SEMA3D: variants seen among roughly 807,000 people sequenced by gnomAD.
The protein encoded by SEMA3D is semaphorin-3D.
In SEMA3D, 84 loss-of-function variants were observed where a neutral mutation model predicts 100.1. The ratio of observed to expected loss-of-function variants is 0.84; its 90% CI spans 0.70 to 1.01. SEMA3D has a LOEUF of 1.01. Among genes scored for constraint, SEMA3D ranks in the 50% least tolerant of loss-of-function variants. The pLI is 0.00. For missense variants in SEMA3D, 875 were observed against 934.1 expected (o/e 0.94, Z 0.82); for synonymous variants, 312 against 320.7 (o/e 0.97, Z 0.29).
chr7:85,009,012 G>A (rs181665628), intron 17 of SEMA3D, among the ~76,000 whole-genome samples: 6 of 151,652 alleles, frequency 4.0e-5, no homozygotes, highest in South Asian at 2.1e-4. Flanking sequence ...GATAAAATGC[G>A]GAATCCAAAA....
At chr7:85,231,749 C>T in the SEMA3D span, among the ~76,000 whole-genome samples, 1,092 of 152,214 alleles carry the variant, frequency 7.2e-3, 12 homozygotes, top group African/African-American at 0.025. Flanking sequence ...TGCGCCAGGC[C>T]TGGGGTTTCT....
intron 14 of SEMA3D, among the ~76,000 whole-genome samples, chr7:85,018,576 GTTC>G (rs913604927): frequency 5.3e-5 from 8 of 151,756 alleles, no homozygotes; most frequent in African/African-American, 1.9e-4. Flanking sequence ...ACTCACAAGT[GTTC>G]TTCTTCTAAA....
chr7:85,213,167 T>C, the SEMA3D span, among the ~76,000 whole-genome samples: 1 of 152,024 alleles, frequency 6.6e-6, no homozygotes, highest in Non-Finnish European at 1.5e-5. Context: ...CTGCTTATGG[T>C]CATTGCCTTT....
intron 4 of SEMA3D, among the ~76,000 whole-genome samples, chr7:85,097,195 G>A (rs932915836): frequency 6.6e-6 from 1 of 151,814 alleles, no homozygotes; most frequent in Non-Finnish European, 1.5e-5. Context: ...GGACATAGTA[G>A]TAATTGCCTT....
upstream of SEMA3D, among the ~76,000 whole-genome samples, chr7:85,189,372 CCTTT>C (rs1484578800): frequency 1.3e-5 from 2 of 151,958 alleles, no homozygotes; most frequent in African/African-American, 4.8e-5. Context: ...TTTTAACAAC[CCTTT>C]CTAAGAGTTT....
At chr7:85,160,870 T>C (rs775953332) in intron 1 of SEMA3D, among the ~76,000 whole-genome samples, 1 of 152,130 alleles carries the variant, frequency 6.6e-6, no homozygotes, top group Non-Finnish European at 1.5e-5. Context: ...GGGAAGAAAG[T>C]ATTATTTAAT....
chr7:85,114,478 T>C (rs190413162), intron 3 of SEMA3D, among the ~76,000 whole-genome samples: 1 of 152,160 alleles, frequency 6.6e-6, no homozygotes, highest in Non-Finnish European at 1.5e-5. Context: ...ATAATTCTCT[T>C]AACAAAGGTG....
At chr7:85,122,040 G>C in intron 2 of SEMA3D, 109 bp from the exon 3 acceptor site, 1 of 572,182 alleles carries the variant, frequency 1.7e-6, no homozygotes. Flanking sequence ...TGAACAATGA[G>C]AACACATGGA....
intron 8 of SEMA3D, among the ~76,000 whole-genome samples, chr7:85,056,753 G>A (rs1270822406): frequency 6.7e-6 from 1 of 150,208 alleles, no homozygotes; most frequent in East Asian, 1.9e-4. Flanking sequence ...ATCAATGACT[G>A]AATAAACAGA....
At chr7:85,168,847 AAGAAAG>A (rs1790996345) in intron 1 of SEMA3D, among the ~76,000 whole-genome samples, 1 of 113,388 alleles carries the variant, frequency 8.8e-6, no homozygotes, top group Admixed American at 8.5e-5. Context: ...GAAAGAAAGA[AAGAAAG>A]AAAGAAAGAA....
intron 2 of SEMA3D, chr7:85,140,859 G>T (rs941867156): frequency 1.2e-6 from 1 of 810,198 alleles, no homozygotes; most frequent in Non-Finnish European, 1.5e-6. Flanking sequence ...TTAAAAAAAT[G>T]GTAGGTATAC....
At position 85,140,731 on chromosome 7, in the gene SEMA3D, T is replaced by A. The variant is rs546477119; in HGVS notation, c.-41+12877A>T. The A allele has an allele frequency of 8.2e-6, 8 of 979,944 alleles. No individual in the cohort carries two copies. In the African/African-American group the frequency reaches 1.4e-4, roughly 17 times the overall value. 60.7% of individuals were successfully genotyped at this position (979,944 alleles called of 1,614,324 possible). Reference sequence around the variant, plus strand: ...AAATCTATTTAATACAAGTTTCTTCTGGTTTCCCTGGGGATTGGCCTAATA... The same window carrying A: ...AAATCTATTTAATACAAGTTTCTTCAGGTTTCCCTGGGGATTGGCCTAATA... On this transcript the variant is annotated intron_variant, in intron 2 of 18. Coordinates refer to ENST00000284136, the MANE Select transcript of SEMA3D (RefSeq NM_001384900.1).
chr7:85,202,685 A>G, the SEMA3D span, among the ~76,000 whole-genome samples: 4 of 152,174 alleles, frequency 2.6e-5, no homozygotes, highest in Non-Finnish European at 5.9e-5. Context: ...GGCGAAAGAC[A>G]TGAACAGACA....
intron 5 of SEMA3D, among the ~76,000 whole-genome samples, chr7:85,075,982 T>C (rs887426385): frequency 1.7e-4 from 26 of 152,250 alleles, no homozygotes; most frequent in African/African-American, 6.3e-4. Context: ...ATTAACTTGA[T>C]TTAATTCACT....
At chr7:85,063,293 C>T (rs913640089) in intron 8 of SEMA3D, among the ~76,000 whole-genome samples, 1 of 152,064 alleles carries the variant, frequency 6.6e-6, no homozygotes, top group Non-Finnish European at 1.5e-5. Context: ...AGAACAGGAG[C>T]AAACTGAAAA....
chr7:85,193,387 GA>G, the SEMA3D span, among the ~76,000 whole-genome samples: 1 of 151,858 alleles, frequency 6.6e-6, no homozygotes, highest in Non-Finnish European at 1.5e-5. Context: ...GAAGTATCAA[GA>G]AAAAAATGTC....
intron 2 of SEMA3D, among the ~76,000 whole-genome samples, chr7:85,148,257 A>T (rs1790272031): frequency 1.3e-5 from 2 of 152,178 alleles, no homozygotes. Flanking sequence ...ATTCTCTGTC[A>T]TCATATCTTG....
intron 4 of SEMA3D, among the ~76,000 whole-genome samples, chr7:85,083,541 A>C (rs552292375): frequency 1.3e-5 from 2 of 152,280 alleles, no homozygotes; most frequent in East Asian, 3.9e-4. Flanking sequence ...TACTGGACTG[A>C]GTGCTTCTTA....
intron 2 of SEMA3D, among the ~76,000 whole-genome samples, chr7:85,138,382 C>G (rs1455777064): frequency 1.3e-5 from 2 of 151,618 alleles, no homozygotes; most frequent in Non-Finnish European, 2.9e-5. Flanking sequence ...TCTGCCTCCC[C>G]GGTTCAAGGG....
Sources: gnomAD v4.1 joint callset for allele counts (sites outside exome capture counted in the v4.1 genomes callset) on GRCh38, gnomAD v4.1.1 for gene constraint, MANE v1.5 for transcripts, NCBI Gene and HGNC (gene_info 2026-07-23, HGNC 2026-07-21) for gene names.